Variants in DMRT1 observed in about 807,000 individuals in gnomAD.
DMRT1 encodes doublesex and mab-3 related transcription factor 1.
Under a neutral mutation model 32.3 loss-of-function variants are expected in DMRT1, and 7 were observed. That is an observed-to-expected ratio of 0.22 (90% CI 0.12 to 0.41). The LOEUF (loss-of-function observed/expected upper bound fraction) is 0.41. Among genes scored for constraint, DMRT1 ranks in the 10% least tolerant of loss-of-function variants. The pLI, the probability that DMRT1 is intolerant of heterozygous loss-of-function variation, is 1.00. For missense variants in DMRT1, 625 were observed against 500.5 expected (o/e 1.25, Z -2.37); for synonymous variants, 278 against 206.1 (o/e 1.35, Z -2.99).
chr9:954,140 A>G (rs1819518570), intron 4 of DMRT1, among the ~76,000 whole-genome samples: 1 of 152,124 alleles, frequency 6.6e-6, no homozygotes, highest in Non-Finnish European at 1.5e-5. Flanking sequence ...AGAGGCTAGG[A>G]CGTGGCATAA....
intron 4 of DMRT1, among the ~76,000 whole-genome samples, chr9:924,744 C>T (rs1382600546): frequency 1.3e-5 from 2 of 152,144 alleles, no homozygotes; most frequent in African/African-American, 4.8e-5. Flanking sequence ...TAATATATTA[C>T]ACTTATGATA....
At chr9:952,627 C>G (rs1352483716) in intron 4 of DMRT1, among the ~76,000 whole-genome samples, 1 of 152,198 alleles carries the variant, frequency 6.6e-6, no homozygotes, top group African/African-American at 2.4e-5. Flanking sequence ...CATTTGTTAT[C>G]TGACTGCTCT....
chr9:894,121 G>C lies in DMRT1; in HGVS notation c.748G>C (p.Gly250Arg). Residue 250 changes from glycine to arginine, a missense_variant, in exon 3 of 5, where the codon GGA (glycine) becomes CGA (arginine). Gly to Arg is a moderately radical substitution (Grantham distance 125). Transcript: ENST00000382276. ...TGGGGAGGTGGGAAATCCCCTCGGG[G>C]GATCCCCTGTGAAGAACAGCCTTCG... ...ASGEVGNPLGGSPVKNSLRGL... is the reference protein window; with the variant it reads ...ASGEVGNPLGRSPVKNSLRGL... 4.3e-6 allele frequency: 7 copies of C among 1,614,232 alleles called. No individual in the cohort carries two copies. The highest frequency in any genetic ancestry group is 5.9e-6 in the Non-Finnish European group (7 of 1,180,038).
chr9:901,654 GA>G (rs1208451604), intron 3 of DMRT1, among the ~76,000 whole-genome samples: 3 of 151,634 alleles, frequency 2.0e-5, no homozygotes, highest in Non-Finnish European at 4.4e-5. Context: ...GACATAGTAG[GA>G]GACTTCACAT....
intron 3 of DMRT1, among the ~76,000 whole-genome samples, chr9:903,999 T>G (rs1817681685): frequency 6.6e-6 from 1 of 152,200 alleles, no homozygotes; most frequent in Admixed American, 6.5e-5. Context: ...CTGGGCTGAG[T>G]AAGAAATCCC....
chr9:926,387 A>C (rs1486644198), intron 4 of DMRT1, among the ~76,000 whole-genome samples: 1 of 152,228 alleles, frequency 6.6e-6, no homozygotes, highest in African/African-American at 2.4e-5. Context: ...ATAGAAACAC[A>C]ATCAGCTACT....
At position 929,130 on chromosome 9, in the gene DMRT1, C is replaced by A. The variant is rs1409771785; in HGVS notation, c.967+12223C>A. Among the ~76,000 whole-genome samples the A allele has an allele frequency of 2.0e-5, 3 of 152,174 alleles. No individual in the cohort carries two copies. In the South Asian group the frequency reaches 6.2e-4, roughly 31 times the overall value. On this transcript the variant is annotated intron_variant, in intron 4 of 4. Transcript: ENST00000382276. ...TTAGGATTACAGGCATGAGCCACCA[C>A]TCCCGGCTTAAATTTTAGCACCCTG...
intron 1 of DMRT1, among the ~76,000 whole-genome samples, chr9:845,605 C>A (rs975837965): frequency 3.3e-5 from 5 of 152,128 alleles, no homozygotes; most frequent in African/African-American, 1.2e-4. Context: ...TCTCTTCTTC[C>A]TGTCTGTCTG....
At chr9:851,516 G>A (rs545349276) in intron 2 of DMRT1, among the ~76,000 whole-genome samples, 30 of 152,184 alleles carry the variant, frequency 2.0e-4, no homozygotes, top group Non-Finnish European at 4.1e-4. Flanking sequence ...GGGATTACAG[G>A]CGTGAGCCAC....
chr9:897,261 T>G (rs2129645829), intron 3 of DMRT1, among the ~76,000 whole-genome samples: 1 of 152,038 alleles, frequency 6.6e-6, no homozygotes, highest in African/African-American at 2.4e-5. Flanking sequence ...TACAGGCACG[T>G]GCCATCACGC....
chr9:896,285 C>A (rs866684730), intron 3 of DMRT1, among the ~76,000 whole-genome samples: 1 of 121,768 alleles, frequency 8.2e-6, no homozygotes, highest in African/African-American at 3.0e-5. Context: ...CTTGTCTTTT[C>A]TTTTTTTTTT....
chr9:843,979 GT>G (rs1838798523), intron 1 of DMRT1, among the ~76,000 whole-genome samples: 2 of 144,286 alleles, frequency 1.4e-5, no homozygotes, highest in South Asian at 4.4e-4. Flanking sequence ...ATCACAATGA[GT>G]TTACTGAAAA....
At chr9:894,468 C>T (rs1817276361) in intron 3 of DMRT1, 1 of 515,718 alleles carries the variant, frequency 1.9e-6, no homozygotes, top group African/African-American at 1.9e-5. Flanking sequence ...AATGTACAAA[C>T]TTGTTTTCTT....
At chr9:857,752 A>G (rs1230633393) in intron 2 of DMRT1, among the ~76,000 whole-genome samples, 2 of 146,842 alleles carry the variant, frequency 1.4e-5, no homozygotes, top group Non-Finnish European at 3.0e-5. Flanking sequence ...CATTAGGTAT[A>G]TCTCCTAATG....
intron 3 of DMRT1, among the ~76,000 whole-genome samples, chr9:903,706 T>C (rs1187243014): frequency 6.6e-6 from 1 of 152,160 alleles, no homozygotes; most frequent in Non-Finnish European, 1.5e-5. Flanking sequence ...TTTTGGAGTG[T>C]GTTTTGGTTA....
chr9:886,947 T>C (rs1481883465), intron 2 of DMRT1, among the ~76,000 whole-genome samples: 1 of 152,248 alleles, frequency 6.6e-6, no homozygotes, highest in East Asian at 1.9e-4. Context: ...CTGAAGCTGC[T>C]TATTCTATGA....
intron 4 of DMRT1, among the ~76,000 whole-genome samples, chr9:939,725 A>T (rs1819000078): frequency 6.6e-6 from 1 of 152,228 alleles, no homozygotes; most frequent in African/African-American, 2.4e-5. Context: ...CAAATAATGT[A>T]GGAGTGTACA....
chr9:878,399 A>C (rs1455375221), intron 2 of DMRT1, among the ~76,000 whole-genome samples: 1 of 152,132 alleles, frequency 6.6e-6, no homozygotes, highest in Non-Finnish European at 1.5e-5. Context: ...CAGGAGGTGC[A>C]CAGTAAGCAG....
At chr9:903,310 G>A (rs1817657705) in intron 3 of DMRT1, among the ~76,000 whole-genome samples, 1 of 150,508 alleles carries the variant, frequency 6.6e-6, no homozygotes, top group African/African-American at 2.4e-5. Context: ...CTGGGTGAAT[G>A]CAGTCCCGGC....
Sources: gnomAD v4.1 joint callset for allele counts (sites outside exome capture counted in the v4.1 genomes callset) on GRCh38, gnomAD v4.1.1 for gene constraint, MANE v1.5 for transcripts, NCBI Gene and HGNC (gene_info 2026-07-23, HGNC 2026-07-21) for gene names.